The following ZNF678 variants were observed in gnomAD, a reference collection of about 807,000 sequenced individuals.
ZNF678 encodes hypothetical protein MGC42493.
ZNF678 carries 5 observed loss-of-function variants against 3.0 expected under a neutral mutation model. That is an observed-to-expected ratio of 1.69 (90% CI 0.88 to 3.56). The LOEUF (loss-of-function observed/expected upper bound fraction) is 3.56. Among genes scored for constraint, ZNF678 ranks in the 30% most tolerant of loss-of-function variants. The pLI, the probability that ZNF678 is intolerant of heterozygous loss-of-function variation, is 0.00. For missense variants in ZNF678, 593 were observed against 605.0 expected (o/e 0.98, Z 0.21); for synonymous variants, 218 against 199.6 (o/e 1.09, Z -0.78).
At chr1:227,678,122 G>A (rs145631740), downstream of ZNF678, among the ~76,000 whole-genome samples, 816 of 152,164 alleles carry the variant, frequency 5.4e-3, 4 homozygotes, top group Middle Eastern at 0.014. Context: ...ACCCTAAAAG[G>A]GAAAAATATG....
At chr1:227,673,355 G>A (rs982500891) in intron 5 of ZNF678, among the ~76,000 whole-genome samples, 14 of 152,266 alleles carry the variant, frequency 9.2e-5, no homozygotes, top group Non-Finnish European at 2.1e-4. Flanking sequence ...TCTGCTAGTT[G>A]CATCTTGGTT....
intron 1 of ZNF678, among the ~76,000 whole-genome samples, chr1:227,602,495 CA>C (rs1317902117): frequency 1.5e-4 from 23 of 151,904 alleles, no homozygotes; most frequent in African/African-American, 5.3e-4. Flanking sequence ...TTATTTGGAC[CA>C]CACACCCTAT....
At position 227,646,537 on chromosome 1, in the gene ZNF678, C is replaced by A. The variant is rs747908194; in HGVS notation, c.-163-7C>A. 3 of 1,370,118 alleles carry A rather than the reference C, an allele frequency of 2.2e-6. No homozygotes were observed. Among genetic ancestry groups the A allele is most frequent in the Admixed American group, 1.9e-5 (1 of 52,634 alleles). 84.9% of individuals were successfully genotyped at this position (1,370,118 alleles called of 1,614,324 possible). A position where few individuals can be genotyped will look rare whatever the true frequency, so the allele number is the denominator to read the frequency against. On this transcript the variant is annotated splice_region_variant and splice_polypyrimidine_tract_variant and intron_variant, in intron 1 of 3. Coordinates refer to ENST00000343776, the MANE Select transcript of ZNF678 (RefSeq NM_001367909.1). Reference sequence around the variant, plus strand: ...TGTAAATACGTGTGTATTTTTCCCCCCCCCAGGGACTACTGGCATTCAGTG... The same window carrying A: ...TGTAAATACGTGTGTATTTTTCCCCACCCCAGGGACTACTGGCATTCAGTG...
At chr1:227,670,122 A>G (rs1312775122) in intron 5 of ZNF678, among the ~76,000 whole-genome samples, 1 of 152,244 alleles carries the variant, frequency 6.6e-6, no homozygotes, top group Non-Finnish European at 1.5e-5. Context: ...ACGTGTTCTC[A>G]CTTAGAAGTG....
intron 1 of ZNF678, among the ~76,000 whole-genome samples, chr1:227,589,234 G>A (rs1657344640): frequency 6.6e-6 from 1 of 151,702 alleles, no homozygotes; most frequent in South Asian, 2.1e-4. Context: ...GTGCTGAATG[G>A]TACTACCTAG....
chr1:227,597,887 G>A (rs1558138036), intron 1 of ZNF678, among the ~76,000 whole-genome samples: 2 of 152,276 alleles, frequency 1.3e-5, no homozygotes, highest in Middle Eastern at 3.4e-3. Context: ...GATGTGTGAG[G>A]ATCAAAGGCA....
At chr1:227,639,202 C>T (rs1417405012) in intron 1 of ZNF678, among the ~76,000 whole-genome samples, 4 of 152,192 alleles carry the variant, frequency 2.6e-5, no homozygotes, top group African/African-American at 7.2e-5. Context: ...TTGTCTGGGC[C>T]ATTGGCCTTC....
intron 1 of ZNF678, among the ~76,000 whole-genome samples, chr1:227,632,584 C>T (rs1347159509): frequency 1.3e-5 from 2 of 152,066 alleles, no homozygotes; most frequent in Non-Finnish European, 2.9e-5. Context: ...CCAGGGAGAT[C>T]AACGCTCCCA....
downstream of ZNF678, among the ~76,000 whole-genome samples, chr1:227,677,842 C>A (rs976217592): frequency 5.9e-5 from 9 of 152,116 alleles, no homozygotes; most frequent in African/African-American, 1.9e-4. Context: ...AGCTGGAGAC[C>A]CTTAAAGAAT....
At chr1:227,598,332 G>A (rs2935146) in intron 1 of ZNF678, 501,697 of 1,235,390 alleles carry the variant, frequency 0.41, 106,009 homozygotes, top group African/African-American at 0.67. Flanking sequence ...AAGAAAATTC[G>A]TGGATTTTAG....
chr1:227,571,394 A>G (rs906176445), intron 1 of ZNF678, among the ~76,000 whole-genome samples: 3 of 152,218 alleles, frequency 2.0e-5, no homozygotes, highest in African/African-American at 4.8e-5. Context: ...TTACAGTTCC[A>G]TGTTGACTGT....
chr1:227,655,741 T>C lies in ZNF678; in HGVS notation c.1491T>C (p.Gly497=). The part of the protein sequence containing the change: ...KRYKCKECGK[G]FYQSSIHSKY... ...ACAAATGTAAAGAATGTGGAAAAGGTTTTTACCAATCCTCAATCCATAGTA... is the reference window on the plus strand; with the variant it reads ...ACAAATGTAAAGAATGTGGAAAAGGCTTTTACCAATCCTCAATCCATAGTA... Residue 497 remains glycine (G), a synonymous_variant, in exon 4 of 4, where the codon GGT becomes GGC. Coordinates refer to ENST00000343776, the MANE Select transcript of ZNF678 (RefSeq NM_001367909.1). 1 of 1,612,136 alleles carries C rather than the reference T, an allele frequency of 6.2e-7. No homozygotes were observed. Among genetic ancestry groups the C allele is most frequent in the Non-Finnish European group, 8.5e-7 (1 of 1,178,938 alleles).
chr1:227,585,612 A>G (rs1346139815), intron 1 of ZNF678, among the ~76,000 whole-genome samples: 2 of 152,142 alleles, frequency 1.3e-5, no homozygotes, highest in Non-Finnish European at 1.5e-5. Context: ...GTCTCTACTA[A>G]AAATTCAAAA....
intron 1 of ZNF678, among the ~76,000 whole-genome samples, chr1:227,640,101 A>C (rs1274027981): frequency 2.0e-5 from 3 of 152,190 alleles, no homozygotes; most frequent in Non-Finnish European, 4.4e-5. Context: ...AGAACCTGGA[A>C]GTGGTTCCTG....
chr1:227,674,871 G>A (rs1238008257), intron 5 of ZNF678, among the ~76,000 whole-genome samples: 1 of 152,114 alleles, frequency 6.6e-6, no homozygotes, highest in African/African-American at 2.4e-5. Flanking sequence ...GATTATAGGC[G>A]TGAGCCACTG....
In ZNF678 at chr1:227,654,714, G is replaced by C. The variant is rs747051415; in HGVS notation, c.464G>C (p.Cys155Ser). The stretch of plus-strand genomic sequence containing the variant: ...CATACTGGAGAGAAACCCTACAAAT[G>C]TGACGAATGTGGCAAAGTTTTTAAT... Reference protein sequence around the residue: ...RIHTGEKPYKCDECGKVFNWW... With the variant: ...RIHTGEKPYKSDECGKVFNWW... Residue 155 changes from cysteine (C) to serine (S), a missense_variant, in exon 4 of 4, where the codon TGT becomes TCT. Coordinates refer to ENST00000343776, the MANE Select transcript of ZNF678 (RefSeq NM_001367909.1). 1.9e-6 allele frequency: 3 copies of C among 1,613,136 alleles called. No individual in the cohort carries two copies. Among genetic ancestry groups the C allele is most frequent in the Non-Finnish European group, 2.5e-6 (3 of 1,179,396 alleles).
intron 1 of ZNF678, among the ~76,000 whole-genome samples, chr1:227,586,415 A>G (rs1018187237): frequency 2.6e-5 from 4 of 152,216 alleles, no homozygotes; most frequent in African/African-American, 4.8e-5. Flanking sequence ...ACAATGTTCC[A>G]CCAAATAGAA....
chr1:227,579,450 C>A (rs1657066840), intron 1 of ZNF678, among the ~76,000 whole-genome samples: 1 of 152,024 alleles, frequency 6.6e-6, no homozygotes, highest in Non-Finnish European at 1.5e-5. Flanking sequence ...TGGCTCTGTG[C>A]CTGCCAAGGC....
At chr1:227,598,702 C>G in intron 1 of ZNF678, 1 of 522,544 alleles carries the variant, frequency 1.9e-6, no homozygotes, top group Non-Finnish European at 3.5e-6. Flanking sequence ...TTTAAACTAT[C>G]CTTACTGTCT....
Sources: gnomAD v4.1 joint callset for allele counts (sites outside exome capture counted in the v4.1 genomes callset) on GRCh38, gnomAD v4.1.1 for gene constraint, MANE v1.5 for transcripts, NCBI Gene and HGNC (gene_info 2026-07-23, HGNC 2026-07-21) for gene names.